The following KCNH7 variants were observed in gnomAD, a reference collection of about 807,000 sequenced individuals.
The protein encoded by KCNH7 is potassium voltage-gated channel subfamily H member 7, also known as voltage-gated inwardly rectifying potassium channel KCNH7.
In KCNH7, 49 loss-of-function variants were observed where a neutral mutation model predicts 120.8. The observed-to-expected ratio is 0.41, with a 90% CI of 0.32 to 0.51. KCNH7 has a LOEUF of 0.51. Ranked by LOEUF, KCNH7 falls within the 20% of genes least tolerant of loss-of-function variation. The pLI, the probability that KCNH7 is intolerant of heterozygous loss-of-function variation, is 0.38. For synonymous variants in KCNH7, 547 were observed against 516.1 expected (o/e 1.06, Z -0.81); for missense variants, 1,097 against 1,446.6 (o/e 0.76, Z 3.92).
At chr2:162,407,639 A>G (rs1381293831) in intron 9 of KCNH7, among the ~76,000 whole-genome samples, 6 of 151,990 alleles carry the variant, frequency 3.9e-5, no homozygotes, top group African/African-American at 1.4e-4. Flanking sequence ...TAAGGTTTCT[A>G]AGGGCAACAG....
Position 162,597,910 on chromosome 2 carries a change from G to T in KCNH7, c.308-60830C>A, listed in dbSNP as rs1024280184. On this transcript the variant is annotated intron_variant, in intron 2 of 15. Coordinates refer to ENST00000332142, the MANE Select transcript of KCNH7 (RefSeq NM_033272.4). Reference sequence around the variant, plus strand: ...ACAAATTGAAACATGGAGTATTTTTGAATATGTACTGAATCAAGTATGTAA... The same window carrying T: ...ACAAATTGAAACATGGAGTATTTTTTAATATGTACTGAATCAAGTATGTAA... Among the ~76,000 whole-genome samples the T allele has an allele frequency of 5.3e-5, 8 of 151,988 alleles. 1 individual carries two copies. The highest frequency in any genetic ancestry group is 6.3e-3 in the Middle Eastern group (2 of 316).
intron 2 of KCNH7, among the ~76,000 whole-genome samples, chr2:162,699,793 A>T (rs1318332118): frequency 6.6e-6 from 1 of 152,092 alleles, no homozygotes; most frequent in Non-Finnish European, 1.5e-5. Context: ...TGTTCTAAAG[A>T]AAATGGGAGG....
chr2:162,670,826 T>G (rs1307525894), intron 2 of KCNH7, among the ~76,000 whole-genome samples: 1 of 149,882 alleles, frequency 6.7e-6, no homozygotes, highest in African/African-American at 2.5e-5. Flanking sequence ...GTGAAAGAAA[T>G]AAAACAAATA....
At chr2:162,645,129 T>G (rs1684309642) in intron 2 of KCNH7, among the ~76,000 whole-genome samples, 1 of 152,146 alleles carries the variant, frequency 6.6e-6, no homozygotes. Context: ...GTTTCACCTC[T>G]GCTTGATTTG....
intron 6 of KCNH7, among the ~76,000 whole-genome samples, chr2:162,493,614 A>T (rs1690399960): frequency 6.6e-6 from 1 of 152,218 alleles, no homozygotes; most frequent in Admixed American, 6.5e-5. Context: ...CCACGTCACT[A>T]ACTATGCTGG....
chr2:162,722,916 T>C (rs975139093), intron 2 of KCNH7, among the ~76,000 whole-genome samples: 3 of 149,830 alleles, frequency 2.0e-5, no homozygotes, highest in Non-Finnish European at 3.0e-5. Context: ...TGAAATCTTC[T>C]AGTGAATGTT....
At position 162,825,972 on chromosome 2, in the gene KCNH7, G is replaced by A. The variant is rs1381276539; in HGVS notation, c.307+10565C>T. Among the ~76,000 whole-genome samples, 10 of 151,362 alleles carry A rather than the reference G, an allele frequency of 6.6e-5. No individual in the cohort carries two copies. In the South Asian group the frequency reaches 1.9e-3, roughly 29 times the overall value. On this transcript the variant is annotated intron_variant, in intron 2 of 15. Coordinates refer to ENST00000332142, the MANE Select transcript of KCNH7 (RefSeq NM_033272.4). ...ATGGTTTTTTTTCTATTTTCTCTCT[G>A]TATTTTCTAATGTTTCAACAGTGAG... is the stretch of plus-strand genomic sequence containing the variant.
At chr2:162,598,079 T>A (rs1694437113) in intron 2 of KCNH7, among the ~76,000 whole-genome samples, 1 of 152,034 alleles carries the variant, frequency 6.6e-6, no homozygotes, top group Non-Finnish European at 1.5e-5. Context: ...TTCCGTTTTT[T>A]CCCCACCTTA....
chr2:162,703,570 A>G (rs1263303508), intron 2 of KCNH7, among the ~76,000 whole-genome samples: 1 of 152,194 alleles, frequency 6.6e-6, no homozygotes, highest in Non-Finnish European at 1.5e-5. Context: ...GTAAGAAACC[A>G]ATTTCAAATG....
Position 162,742,424 on chromosome 2 carries a change from G to C in KCNH7, c.307+94113C>G, listed in dbSNP as rs572244566. Among the ~76,000 whole-genome samples, 4 of 152,050 alleles carry C rather than the reference G, an allele frequency of 2.6e-5. No individual in the cohort carries two copies. In the South Asian group the frequency reaches 8.3e-4, roughly 32 times the overall value. Reference sequence around the variant, plus strand: ...ATTATTAGAAGTTAAATGTTCACTTGAATCTACTGTTGATATAAATATATT... The same window carrying C: ...ATTATTAGAAGTTAAATGTTCACTTCAATCTACTGTTGATATAAATATATT... On this transcript the variant is annotated intron_variant, in intron 2 of 15. Transcript: ENST00000332142.
chr2:162,587,565 G>A (rs368661216), intron 2 of KCNH7, among the ~76,000 whole-genome samples: 6 of 152,042 alleles, frequency 3.9e-5, no homozygotes, highest in South Asian at 2.1e-4. Flanking sequence ...GAAAAAACAC[G>A]TTTATATTTA....
chr2:162,809,909 CTTTTTTT>C (rs748538332), intron 2 of KCNH7, among the ~76,000 whole-genome samples: 1 of 51,220 alleles, frequency 2.0e-5, no homozygotes, highest in African/African-American at 6.4e-5. Context: ...CTCACCTATT[CTTTTTTT>C]TTTTTTTTTT....
rs1360539679 is a variant in KCNH7 at position 162,670,811 on chromosome 2, A to G, written c.308-133731T>C. Among the ~76,000 whole-genome samples the G allele has an allele frequency of 2.6e-5, 4 of 152,246 alleles. No individual in the cohort carries two copies. In the East Asian group the frequency reaches 7.7e-4, roughly 29 times the overall value. On this transcript the variant is annotated intron_variant, in intron 2 of 15. Transcript: ENST00000332142. ...AGGTGGAAAAAATCAAAAGCATAAA[A>G]TAAGGTGAAAGAAATAAAACAAATA... is the stretch of plus-strand genomic sequence containing the variant.
chr2:162,375,193 C>G (rs1339595783), intron 14 of KCNH7, among the ~76,000 whole-genome samples: 2 of 152,168 alleles, frequency 1.3e-5, no homozygotes, highest in African/African-American at 2.4e-5. Context: ...CCATTACTAA[C>G]AGCATTCAGT....
At chr2:162,753,032 C>CGAAACGAAA (rs1688657434) in intron 2 of KCNH7, among the ~76,000 whole-genome samples, 1 of 15,500 alleles carries the variant, frequency 6.5e-5, no homozygotes, top group Non-Finnish European at 4.1e-4. Flanking sequence ...AGAAAAGAAA[C>CGAAACGAAA]CCTGACTAAT....
At chr2:162,504,681 A>G (rs1454760155) in intron 5 of KCNH7, 24 bp from the exon 6 acceptor site, 15 of 1,430,046 alleles carry the variant, frequency 1.0e-5, no homozygotes, top group East Asian at 2.3e-5. Context: ...AAGTATTTGT[A>G]AGAGTAATAT....
intron 6 of KCNH7, among the ~76,000 whole-genome samples, chr2:162,494,138 G>A (rs7585848): frequency 0.081 from 12,283 of 152,104 alleles, 1,635 homozygotes; most frequent in African/African-American, 0.27. Flanking sequence ...AAAAATTGGG[G>A]TTGATATTAA....
intron 2 of KCNH7, among the ~76,000 whole-genome samples, chr2:162,624,846 T>G (rs1047761839): frequency 6.6e-6 from 1 of 151,836 alleles, no homozygotes; most frequent in African/African-American, 2.4e-5. Flanking sequence ...AAAGGGAGTT[T>G]CAGGTGGTTT....
chr2:162,770,442 T>C (rs1235115028), intron 2 of KCNH7, among the ~76,000 whole-genome samples: 5 of 151,880 alleles, frequency 3.3e-5, no homozygotes, highest in Non-Finnish European at 7.4e-5. Context: ...ATTTACAGTC[T>C]AAAGCCAAGC....
Sources: allele counts gnomAD v4.1 joint callset (sites outside exome capture counted in the v4.1 genomes callset), GRCh38; gene constraint gnomAD v4.1.1; transcripts MANE v1.5; gene names NCBI Gene and HGNC (gene_info 2026-07-23, HGNC 2026-07-21).